CERS6: variants seen among roughly 807,000 people sequenced by gnomAD.
CERS6 encodes the protein ceramide synthase 6.
In CERS6, 26 loss-of-function variants were observed where a neutral mutation model predicts 56.8. The ratio of observed to expected loss-of-function variants is 0.46; its 90% CI spans 0.34 to 0.63. The LOEUF is 0.63. Ranked by LOEUF, CERS6 falls within the 30% of genes least tolerant of loss-of-function variation. The probability of loss-of-function intolerance (pLI) is 0.01; values close to 1 mark genes in which losing one functional copy is unlikely to be tolerated. For missense variants in CERS6, 415 were observed against 467.5 expected, an observed-to-expected ratio of 0.89 and a Z score of 1.04; for synonymous variants, 164 against 173.3, an observed-to-expected ratio of 0.95 and a Z score of 0.42.
intron 1 of CERS6, among the ~76,000 whole-genome samples, chr2:168,530,377 A>C (rs1429927525): frequency 1.3e-5 from 2 of 152,226 alleles, no homozygotes; most frequent in African/African-American, 2.4e-5. Context: ...AGATTCTTTG[A>C]CAATTACTGT....
intron 1 of CERS6, among the ~76,000 whole-genome samples, chr2:168,520,016 A>C (rs1391964988): frequency 1.3e-5 from 2 of 152,198 alleles, no homozygotes; most frequent in Non-Finnish European, 2.9e-5. Context: ...GGCACTTTTC[A>C]CATGGACTAA....
chr2:168,727,512 GCA>G (rs1427211737), intron 8 of CERS6, among the ~76,000 whole-genome samples: 1 of 149,140 alleles, frequency 6.7e-6, no homozygotes, highest in Non-Finnish European at 1.5e-5. Flanking sequence ...TCGCGCCACT[GCA>G]CTCCTGCCTG....
intron 4 of CERS6, among the ~76,000 whole-genome samples, chr2:168,644,870 G>T (rs569496441): frequency 3.8e-4 from 57 of 151,842 alleles, no homozygotes; most frequent in Non-Finnish European, 6.5e-4. Context: ...AAGATGGGCA[G>T]ATCACGAGGT....
chr2:168,751,122 T>G (rs1684255657), intron 8 of CERS6, among the ~76,000 whole-genome samples: 1 of 152,164 alleles, frequency 6.6e-6, no homozygotes, highest in Admixed American at 6.5e-5. Flanking sequence ...ACCTCAAAAC[T>G]TATCCTAAAC....
intron 4 of CERS6, among the ~76,000 whole-genome samples, chr2:168,651,290 A>G (rs1685334299): frequency 6.6e-6 from 1 of 152,208 alleles, no homozygotes; most frequent in Non-Finnish European, 1.5e-5. Flanking sequence ...TCACTAAAGA[A>G]GGATGAACCA....
intron 3 of CERS6, among the ~76,000 whole-genome samples, chr2:168,566,191 A>G (rs16855496): frequency 0.019 from 2,856 of 152,272 alleles, 125 homozygotes; most frequent in East Asian, 0.18. Flanking sequence ...CTTTTATTTA[A>G]GCAGTCTCAA....
At chr2:168,677,400 T>G (rs998379020) in intron 4 of CERS6, among the ~76,000 whole-genome samples, 3 of 152,240 alleles carry the variant, frequency 2.0e-5, no homozygotes, top group Admixed American at 6.5e-5. Context: ...TGCCACATTT[T>G]CTTTATCCAG....
At chr2:168,573,322 A>G (rs1696024829) in intron 3 of CERS6, among the ~76,000 whole-genome samples, 1 of 152,198 alleles carries the variant, frequency 6.6e-6, no homozygotes, top group Non-Finnish European at 1.5e-5. Context: ...ATCATATTGC[A>G]AATGAGTGAG....
rs564707316 is a variant in CERS6 at position 168,717,180 on chromosome 2, A to G, written c.739-692A>G. 3.2e-3 allele frequency among the ~76,000 whole-genome samples: 484 copies of G among 152,318 alleles called. 1 individual carries two copies. Among genetic ancestry groups the G allele is most frequent in the South Asian group, 0.018 (86 of 4,826 alleles). On this transcript the variant is annotated intron_variant, in intron 7 of 9. Transcript: ENST00000305747. ...TTAAATCACTGTCATAAATTATGAG[A>G]GTACTTTTCACAGACCCTTGAACAT... is the stretch of plus-strand genomic sequence containing the variant.
intron 8 of CERS6, among the ~76,000 whole-genome samples, chr2:168,727,273 G>C (rs1285624465): frequency 6.6e-6 from 1 of 152,122 alleles, no homozygotes; most frequent in Non-Finnish European, 1.5e-5. Context: ...AAGTTGACTG[G>C]GCATGGTGAC....
intron 1 of CERS6, among the ~76,000 whole-genome samples, chr2:168,474,263 A>G (rs192236785): frequency 3.3e-5 from 5 of 152,314 alleles, no homozygotes; most frequent in African/African-American, 4.8e-5. Context: ...CATAAATGCT[A>G]TAGGAAACAA....
chr2:168,733,689 T>C (rs1382454902), intron 8 of CERS6, among the ~76,000 whole-genome samples: 2 of 152,094 alleles, frequency 1.3e-5, no homozygotes, highest in Non-Finnish European at 2.9e-5. Flanking sequence ...ACTGAATAGG[T>C]TTCTAGGGAG....
intron 4 of CERS6, among the ~76,000 whole-genome samples, chr2:168,679,235 T>G (rs1466036123): frequency 6.6e-6 from 1 of 152,174 alleles, no homozygotes; most frequent in Non-Finnish European, 1.5e-5. Flanking sequence ...ATGGGGGGAA[T>G]AAGTTCTGGG....
intron 1 of CERS6, among the ~76,000 whole-genome samples, chr2:168,462,887 G>A (rs1693803616): frequency 6.6e-6 from 1 of 152,176 alleles, no homozygotes; most frequent in South Asian, 2.1e-4. Flanking sequence ...TGCTGTGGAT[G>A]ATTGGATGCA....
intron 1 of CERS6, 68 bp from the exon 2 acceptor site, chr2:168,547,528 G>T (rs1695488529): frequency 1.2e-6 from 1 of 813,870 alleles, no homozygotes; most frequent in Non-Finnish European, 1.9e-6. Flanking sequence ...TGTGTAACTG[G>T]TGGCATTAAG....
chr2:168,572,194 A>C (rs549411211), intron 3 of CERS6, among the ~76,000 whole-genome samples: 1 of 152,188 alleles, frequency 6.6e-6, no homozygotes, highest in Non-Finnish European at 1.5e-5. Context: ...ATGAAGTTGC[A>C]TATTTTCAGC....
chr2:168,514,863 T>C (rs1277963552), intron 1 of CERS6, among the ~76,000 whole-genome samples: 1 of 152,198 alleles, frequency 6.6e-6, no homozygotes, highest in Non-Finnish European at 1.5e-5. Context: ...ATTTTCACAG[T>C]TGAAGAAGTT....
chr2:168,504,781 C>G (rs1247438568), intron 1 of CERS6, among the ~76,000 whole-genome samples: 1 of 151,984 alleles, frequency 6.6e-6, no homozygotes, highest in African/African-American at 2.4e-5. Context: ...ACTATGAATC[C>G]CTTGGAGAGG....
At chr2:168,634,343 A>G (rs904502610) in intron 4 of CERS6, among the ~76,000 whole-genome samples, 5 of 152,192 alleles carry the variant, frequency 3.3e-5, no homozygotes, top group Non-Finnish European at 1.5e-5. Flanking sequence ...ACACATACAA[A>G]TTAACACATT....
Sources: allele counts gnomAD v4.1 joint callset (sites outside exome capture counted in the v4.1 genomes callset), GRCh38; gene constraint gnomAD v4.1.1; transcripts MANE v1.5; gene names NCBI Gene and HGNC (gene_info 2026-07-23, HGNC 2026-07-21).